Variants in GTF2F1 observed in about 807,000 individuals in gnomAD.
GTF2F1 encodes the protein general transcription factor IIF subunit 1.
GTF2F1 carries 39 observed loss-of-function variants against 63.5 expected under a neutral mutation model. The observed-to-expected ratio is 0.61, with a 90% CI of 0.48 to 0.80. GTF2F1 has a LOEUF of 0.80. Ranked by LOEUF, GTF2F1 falls within the 30% of genes least tolerant of loss-of-function variation. The probability of loss-of-function intolerance (pLI) is 0.00; values close to 1 mark genes in which losing one functional copy is unlikely to be tolerated. For synonymous variants in GTF2F1, 287 were observed against 285.3 expected, an observed-to-expected ratio of 1.01 and a Z score of -0.06; for missense variants, 657 against 718.3, an observed-to-expected ratio of 0.91 and a Z score of 0.97.
Position 6,380,349 on chromosome 19 carries a change from T to C in GTF2F1, c.1486A>G (p.Ile496Val), listed in dbSNP as rs752236063. 1.9e-6 allele frequency: 3 copies of C among 1,614,148 alleles called. No individual in the cohort carries two copies. Among genetic ancestry groups the C allele is most frequent in the Admixed American group, 1.7e-5 (1 of 60,008 alleles). Residue 496 changes from isoleucine to valine, a missense_variant, in exon 13 of 13, where the codon ATC (isoleucine) becomes GTC (valine). Transcript: ENST00000394456. The surrounding 1 kb of genome is among the most constrained non-coding windows in gnomAD (Gnocchi z 5.3). ...CGCTCGGGGTTGAGTCGCTTGAGGA[T>C]CTGGGCCAACACGTTCACTGTCTGC... ...SEQTVNVLAQ[I>V]LKRLNPERKM...
chr19:6,389,598 G>A lies in GTF2F1; in HGVS notation c.172C>T (p.Gln58Ter). 1 of 1,614,108 alleles carries A rather than the reference G, an allele frequency of 6.2e-7. No homozygotes were observed. Among genetic ancestry groups the A allele is most frequent in the Non-Finnish European group, 8.5e-7 (1 of 1,180,006 alleles). Residue 58 changes from glutamine to a stop codon, truncating the protein, a stop_gained, in exon 4 of 13, where the codon CAA (glutamine) becomes TAA (stop). Coordinates refer to ENST00000394456, the MANE Select transcript of GTF2F1 (RefSeq NM_002096.3). LOFTEE classifies it high-confidence loss of function. ...ERDLSNKKIY[Q>*]EEEMPESGAG... The stretch of plus-strand genomic sequence containing the variant: ...CCCGATTCGGGCATCTCCTCCTCTT[G>A]GTAGATTTTCTTGTTGCTCAAGTCC...
Position 6,380,495 on chromosome 19 carries a change from G to T in GTF2F1, c.1350-10C>A. On this transcript the variant is annotated splice_polypyrimidine_tract_variant and intron_variant, in intron 12 of 12. Transcript: ENST00000394456. This position sits in a 1 kb window ranked among gnomAD's most constrained non-coding sequence, Gnocchi z 5.3. The stretch of plus-strand genomic sequence containing the variant: ...AGTCACCTGCACGTCGCTGAGGATG[G>T]GAGGACGGGGAAGGTGGCATCAGTG... 6.2e-7 allele frequency: 1 copy of T among 1,613,716 alleles called. No homozygotes were observed. The highest frequency in any genetic ancestry group is 8.5e-7 in the Non-Finnish European group (1 of 1,179,678).
Position 6,383,325 on chromosome 19 carries a change from G to A in GTF2F1, c.668C>T (p.Ala223Val). 6.2e-7 allele frequency: 1 copy of A among 1,613,916 alleles called. No individual in the cohort carries two copies. The highest frequency in any genetic ancestry group is 8.5e-7 in the Non-Finnish European group (1 of 1,180,020). Residue 223 changes from alanine to valine, a missense_variant, in exon 6 of 13, where the codon GCC becomes GTC. By Grantham distance (64) the Ala-to-Val change is moderately conservative. Transcript: ENST00000394456. This position sits in a 1 kb window ranked among gnomAD's most constrained non-coding sequence, Gnocchi z 4.5. ...DLEMSSDASD[A>V]SGEEGGRVPK... ...CCCGTACTCACCCTCCTCACCACTGGCATCACTGGCATCGGACGACATCTC... is the reference window on the plus strand; with the variant it reads ...CCCGTACTCACCCTCCTCACCACTGACATCACTGGCATCGGACGACATCTC...
Position 6,380,942 on chromosome 19 carries a change from G to A in GTF2F1, c.1193C>T (p.Ser398Phe). 1.9e-6 allele frequency: 3 copies of A among 1,587,426 alleles called. No individual in the cohort carries two copies. Among genetic ancestry groups the A allele is most frequent in the South Asian group, 1.1e-5 (1 of 88,244 alleles). ...GTPSAEGGST[S>F]STLRAAASKL... ...GCTGGCAGCCGCCCGCAGGGTGGAG[G>A]AGGTGCTGCCACCCTCTGCGCTGGG... Residue 398 changes from serine to phenylalanine, a missense_variant, in exon 11 of 13, where the codon TCC (serine) becomes TTC (phenylalanine). By Grantham distance (155) the Ser-to-Phe change is radical (BLOSUM62 -2). Coordinates refer to ENST00000394456, the MANE Select transcript of GTF2F1 (RefSeq NM_002096.3). The surrounding 1 kb of genome is among the most constrained non-coding windows in gnomAD (Gnocchi z 5.3).
At chr19:6,392,073 CA>C (rs2092001265) in intron 2 of GTF2F1, 99 bp from the exon 3 acceptor site, 1 of 695,108 alleles carries the variant, frequency 1.4e-6, no homozygotes, top group Non-Finnish European at 2.7e-6. Context: ...ATCAACCACC[CA>C]ACTGGATCGT....
At position 6,383,385 on chromosome 19, in the gene GTF2F1, C is replaced by T; in HGVS notation, c.608G>A (p.Ser203Asn). The T allele has an allele frequency of 6.2e-7, 1 of 1,614,256 alleles. No homozygotes were observed. The highest frequency in any genetic ancestry group is 1.1e-5 in the South Asian group (1 of 91,088). Residue 203 changes from serine (S) to asparagine (N), a missense_variant, in exon 6 of 13, where the codon AGC (serine) becomes AAC (asparagine). Around this residue, in one of 2 missense-constraint regions of GTF2F1, gnomAD observed 602 missense variants for 625.6 expected, o/e 0.96. Transcript: ENST00000394456. The surrounding 1 kb of genome is among the most constrained non-coding windows in gnomAD (Gnocchi z 4.5). Reference protein sequence around the residue: ...EKEKRGRRKASELRIHDLEDD... With the variant: ...EKEKRGRRKANELRIHDLEDD... ...CTCCAGGTCGTGGATGCGCAGCTCG[C>T]TCGCCTTCCTGCGGCCACGTTTCTC...
Position 6,383,378 on chromosome 19 carries a change from C to G in GTF2F1, c.615G>C (p.Leu205=), listed in dbSNP as rs1261147078. ...GGTCGTCCTCCAGGTCGTGGATGCG[C>G]AGCTCGCTCGCCTTCCTGCGGCCAC... is the stretch of plus-strand genomic sequence containing the variant. The part of the protein sequence containing the change: ...EKRGRRKASE[L]RIHDLEDDLE... Residue 205 remains leucine (L), a synonymous_variant, in exon 6 of 13, where the codon CTG becomes CTC. Transcript: ENST00000394456. This position sits in a 1 kb window ranked among gnomAD's most constrained non-coding sequence, Gnocchi z 4.5. 6.2e-7 allele frequency: 1 copy of G among 1,614,232 alleles called. No homozygotes were observed. Among genetic ancestry groups the G allele is most frequent in the African/African-American group, 1.3e-5 (1 of 75,080 alleles).
chr19:6,393,137 T>C lies in GTF2F1; in HGVS notation c.-142A>G. On this transcript the variant is annotated 5_prime_UTR_variant, in exon 1 of 13. Coordinates refer to ENST00000394456, the MANE Select transcript of GTF2F1 (RefSeq NM_002096.3). ...CGAGGACCCCAACCCTAGGCGCCTC[T>C]GGCGCTGGGAAAAGGTAACCGGAAG... The C allele has an allele frequency of 9.3e-7, 1 of 1,079,542 alleles. No homozygotes were observed. 66.9% of individuals were successfully genotyped at this position (1,079,542 alleles called of 1,614,324 possible). A position where few individuals can be genotyped will look rare whatever the true frequency, so the allele number is the denominator to read the frequency against.
Position 6,381,256 on chromosome 19 carries a change from G to A in GTF2F1, c.1019-61C>T, listed in dbSNP as rs2145072074. Reference sequence around the variant, plus strand: ...ACCCCGGGACCCGGTGCCCACTGGTGCCTCCACTGCAGATGAGGGAGGCCT... The same window carrying A: ...ACCCCGGGACCCGGTGCCCACTGGTACCTCCACTGCAGATGAGGGAGGCCT... On this transcript the variant is annotated intron_variant, in intron 9 of 12. Coordinates refer to ENST00000394456, the MANE Select transcript of GTF2F1 (RefSeq NM_002096.3). The surrounding 1 kb of genome is among the most constrained non-coding windows in gnomAD (Gnocchi z 4.1). The A allele has an allele frequency of 6.4e-7, 1 of 1,561,920 alleles. No homozygotes were observed. The highest frequency in any genetic ancestry group is 8.7e-7 in the Non-Finnish European group (1 of 1,153,768).
At chr19:6,385,547 C>A (rs1380593113) in intron 5 of GTF2F1, among the ~76,000 whole-genome samples, 1 of 152,258 alleles carries the variant, frequency 6.6e-6, no homozygotes, top group East Asian at 1.9e-4. Context: ...ACCTGCCCCC[C>A]CAGCAATGAT....
In GTF2F1 at chr19:6,381,581, C is replaced by T. The variant is rs1207378480; in HGVS notation, c.871G>A (p.Ala291Thr). The T allele has an allele frequency of 8.1e-6, 13 of 1,613,754 alleles. No homozygotes were observed. Among genetic ancestry groups the T allele is most frequent in the Admixed American group, 5.0e-5 (3 of 60,026 alleles). ...TTGGGCCCCTCCTCCTGCTGCGGCG[C>T]CTTGGCCTTGCTCTCAGGCTCTTCT... ...SQEEPESKAKAPQQEEGPKGV... is the reference protein window; with the variant it reads ...SQEEPESKAKTPQQEEGPKGV... Residue 291 changes from alanine (A) to threonine (T), a missense_variant, in exon 8 of 13, where the codon GCG (alanine) becomes ACG (threonine). Physicochemically the swap from Ala to Thr is moderately conservative, Grantham distance 58. Transcript: ENST00000394456. This position sits in a 1 kb window ranked among gnomAD's most constrained non-coding sequence, Gnocchi z 4.1.
intron 4 of GTF2F1, 52 bp downstream of exon 4, chr19:6,389,392 T>G (rs1240044765): frequency 1.3e-6 from 2 of 1,542,368 alleles, no homozygotes; most frequent in Non-Finnish European, 1.8e-6. Flanking sequence ...AGTTGAGGCC[T>G]GGGGATGTGG....
Position 6,381,461 on chromosome 19 carries a change from C to A in GTF2F1, c.916G>T (p.Asp306Tyr). ...EGPKGVDEQS[D>Y]SSEESEEEKP... ...TCCTCCTCACTCTCCTCACTACTGT[C>A]GCTCTGCTCATCGACACCTGGGAGG... is the stretch of plus-strand genomic sequence containing the variant. The change falls in exon 9 of 13, where the codon GAC becomes TAC. Residue 306 changes from aspartate to tyrosine, a missense_variant. Transcript: ENST00000394456. The surrounding 1 kb of genome is among the most constrained non-coding windows in gnomAD (Gnocchi z 4.1). 1 of 1,608,246 alleles carries A rather than the reference C, an allele frequency of 6.2e-7. No individual in the cohort carries two copies. The highest frequency in any genetic ancestry group is 1.1e-5 in the South Asian group (1 of 91,016).
intron 5 of GTF2F1, among the ~76,000 whole-genome samples, chr19:6,384,714 C>T (rs1030003739): frequency 6.6e-6 from 1 of 152,250 alleles, no homozygotes; most frequent in South Asian, 2.1e-4. Context: ...GCTGGAGGCT[C>T]GCTTGAACCC....
At chr19:6,392,193 A>G (rs757873209) in intron 2 of GTF2F1, 16 of 599,124 alleles carry the variant, frequency 2.7e-5, no homozygotes, top group Non-Finnish European at 4.7e-5. Flanking sequence ...AATTCACTCA[A>G]CAAACCCACC....
At chr19:6,385,231 C>T (rs2091969574) in intron 5 of GTF2F1, among the ~76,000 whole-genome samples, 2 of 151,628 alleles carry the variant, frequency 1.3e-5, no homozygotes, top group South Asian at 4.2e-4. Flanking sequence ...CCCTTCTCTA[C>T]TAAAAGTACA....
At chr19:6,388,056 A>G (rs973427515) in intron 4 of GTF2F1, among the ~76,000 whole-genome samples, 1 of 149,958 alleles carries the variant, frequency 6.7e-6, no homozygotes, top group African/African-American at 2.4e-5. Context: ...CAGCCTCCCG[A>G]GTAGCTGGGA....
chr19:6,385,548 C>G (rs1049312121), intron 5 of GTF2F1, among the ~76,000 whole-genome samples: 1 of 152,266 alleles, frequency 6.6e-6, no homozygotes, highest in East Asian at 1.9e-4. Context: ...CCTGCCCCCC[C>G]AGCAATGATT....
In GTF2F1 at chr19:6,380,868, G is replaced by A; in HGVS notation, c.1231+36C>T. ...CAACAGAGGTCAGGAGGCTGTGGCTGTGGCTGTGGGGAGCGGGGAGGCCAC... is the reference window on the plus strand; with the variant it reads ...CAACAGAGGTCAGGAGGCTGTGGCTATGGCTGTGGGGAGCGGGGAGGCCAC... On this transcript the variant is annotated intron_variant, in intron 11 of 12. Coordinates refer to ENST00000394456, the MANE Select transcript of GTF2F1 (RefSeq NM_002096.3). The surrounding 1 kb of genome is among the most constrained non-coding windows in gnomAD (Gnocchi z 5.3). 6.5e-7 allele frequency: 1 copy of A among 1,527,884 alleles called. No individual in the cohort carries two copies. Among genetic ancestry groups the A allele is most frequent in the Non-Finnish European group, 8.8e-7 (1 of 1,141,306 alleles). The allele number at this position is 1,527,884 out of a possible 1,614,324, so 94.6% of individuals were successfully genotyped here.
Sources: gnomAD v4.1 joint callset for allele counts (sites outside exome capture counted in the v4.1 genomes callset) on GRCh38, gnomAD v4.1.1 for gene constraint, gnomAD v4.1.1 regional missense constraint, Gnocchi (gnomAD v3.1) non-coding constraint, MANE v1.5 for transcripts, NCBI Gene and HGNC (gene_info 2026-07-23, HGNC 2026-07-21) for gene names.